HACD2: variants seen among roughly 807,000 people sequenced by gnomAD.
The protein encoded by HACD2 is very-long-chain (3R)-3-hydroxyacyl-CoA dehydratase 2.
A neutral mutation model predicts 31.0 loss-of-function variants in HACD2; 15 were observed. The ratio of observed to expected loss-of-function variants is 0.48; its 90% CI spans 0.32 to 0.75. The LOEUF is 0.75. HACD2 is among the 30% of genes least tolerant of loss of function. The pLI is 0.03. For synonymous variants in HACD2, 115 were observed against 122.2 expected (o/e 0.94, Z 0.39); for missense variants, 283 against 313.0 (o/e 0.90, Z 0.72).
intron 4 of HACD2, among the ~76,000 whole-genome samples, chr3:123,505,893 G>A (rs1040567095): frequency 3.3e-5 from 5 of 152,224 alleles, no homozygotes; most frequent in Admixed American, 1.3e-4. Context: ...CAAACCAGGC[G>A]ACTAATCACA....
intron 3 of HACD2, among the ~76,000 whole-genome samples, chr3:123,538,849 T>C (rs2056456010): frequency 6.6e-6 from 1 of 152,178 alleles, no homozygotes; most frequent in African/African-American, 2.4e-5. Flanking sequence ...TTTAATATAG[T>C]TCCTAAATGA....
In HACD2 at chr3:123,507,087, T is replaced by C. The variant is rs187798230; in HGVS notation, c.382-4406A>G. Among the ~76,000 whole-genome samples, 19 of 152,124 alleles carry C rather than the reference T, an allele frequency of 1.2e-4. No homozygotes were observed. The East Asian group carries it at 3.7e-3, about 29-fold the overall frequency. ...GCCTGGGCAGCATAGTGAGATTCCG[T>C]TTCTACAATAAAATTAAAAAGTAGC... On this transcript the variant is annotated intron_variant, in intron 4 of 6. Transcript: ENST00000383657.
At chr3:123,583,082 A>C (rs533057519) in intron 1 of HACD2, among the ~76,000 whole-genome samples, 1 of 152,362 alleles carries the variant, frequency 6.6e-6, no homozygotes, top group South Asian at 2.1e-4. Context: ...AGTATCAACT[A>C]GGCAATGGGG....
chr3:123,536,924 G>T (rs2056433508), intron 3 of HACD2, among the ~76,000 whole-genome samples: 1 of 152,162 alleles, frequency 6.6e-6, no homozygotes. Flanking sequence ...ATGCTTATGT[G>T]ACCTTGAGAA....
chr3:123,543,654 TATATTA>T, intron 3 of HACD2: 1 of 407,810 alleles, frequency 2.5e-6, no homozygotes, highest in Admixed American at 3.3e-5. Flanking sequence ...GAAAAATGAT[TATATTA>T]AAGGAAAAAA....
intron 3 of HACD2, among the ~76,000 whole-genome samples, chr3:123,535,274 G>A (rs985705497): frequency 6.6e-6 from 1 of 152,190 alleles, no homozygotes; most frequent in Non-Finnish European, 1.5e-5. Context: ...GTACAGTCCA[G>A]TAACCTTCTG....
At chr3:123,584,050 TGACAA>T (rs2056995362) in intron 1 of HACD2, among the ~76,000 whole-genome samples, 1 of 152,172 alleles carries the variant, frequency 6.6e-6, no homozygotes, top group Non-Finnish European at 1.5e-5. Flanking sequence ...CTCACCAAAA[TGACAA>T]GATAAAGAAT....
intron 2 of HACD2, among the ~76,000 whole-genome samples, chr3:123,574,533 G>A (rs971693366): frequency 1.3e-5 from 2 of 152,134 alleles, no homozygotes; most frequent in East Asian, 1.9e-4. Flanking sequence ...AACAGGATTT[G>A]TAGATGTAAA....
intron 3 of HACD2, among the ~76,000 whole-genome samples, chr3:123,540,836 T>C (rs1187868119): frequency 6.6e-6 from 1 of 152,216 alleles, no homozygotes; most frequent in African/African-American, 2.4e-5. Flanking sequence ...ATATATATCA[T>C]CACTTTTTGC....
intron 4 of HACD2, among the ~76,000 whole-genome samples, chr3:123,512,332 A>C (rs371137710): frequency 6.6e-6 from 1 of 152,374 alleles, no homozygotes. Context: ...AAAAAGGAAG[A>C]ATGAAATACT....
At chr3:123,502,810 G>T in intron 4 of HACD2, 129 bp from the exon 5 acceptor site, 1 of 899,014 alleles carries the variant, frequency 1.1e-6, no homozygotes, top group Non-Finnish European at 1.7e-6. Flanking sequence ...ACCCCTGTAT[G>T]GCAGAAAGAG....
intron 6 of HACD2, among the ~76,000 whole-genome samples, chr3:123,495,261 G>A (rs73857645): frequency 7.4e-4 from 112 of 152,300 alleles, no homozygotes; most frequent in African/African-American, 2.5e-3. Context: ...TATTCTGTAC[G>A]CTCATTCATG....
At chr3:123,574,279 G>T (rs943269501) in intron 2 of HACD2, among the ~76,000 whole-genome samples, 16 of 152,178 alleles carry the variant, frequency 1.1e-4, no homozygotes, top group Non-Finnish European at 2.2e-4. Flanking sequence ...ATCTTATGCT[G>T]TAACTGGGTA....
chr3:123,514,778 G>C (rs1002546917), intron 4 of HACD2, among the ~76,000 whole-genome samples: 3 of 152,210 alleles, frequency 2.0e-5, no homozygotes, highest in Non-Finnish European at 1.5e-5. Flanking sequence ...AAATGCTTTA[G>C]ATTGGGATAA....
At chr3:123,533,561 T>A (rs1436452820) in intron 3 of HACD2, among the ~76,000 whole-genome samples, 1 of 152,348 alleles carries the variant, frequency 6.6e-6, no homozygotes, top group East Asian at 1.9e-4. Flanking sequence ...CTACAGATAT[T>A]TTTATTGTTG....
intron 4 of HACD2, among the ~76,000 whole-genome samples, chr3:123,505,383 A>C (rs1231520816): frequency 2.6e-5 from 4 of 152,248 alleles, no homozygotes; most frequent in African/African-American, 7.2e-5. Context: ...ACTGAACTAT[A>C]CACTTAGAAG....
chr3:123,571,525 A>G (rs1411310412), intron 2 of HACD2, among the ~76,000 whole-genome samples: 3 of 152,180 alleles, frequency 2.0e-5, no homozygotes, highest in African/African-American at 7.2e-5. Flanking sequence ...GTCACGTGCA[A>G]GGCCTGGAGA....
chr3:123,530,497 C>T (rs898876740), intron 3 of HACD2, among the ~76,000 whole-genome samples: 4 of 151,296 alleles, frequency 2.6e-5, no homozygotes, highest in Non-Finnish European at 4.4e-5. Flanking sequence ...CAACCTCCAA[C>T]TCCCTGGTTC....
At chr3:123,500,248 A>C (rs1465022695) in intron 6 of HACD2, among the ~76,000 whole-genome samples, 2 of 152,216 alleles carry the variant, frequency 1.3e-5, no homozygotes, top group South Asian at 2.1e-4. Context: ...TCCCCAATAC[A>C]TACTTAACCT....
Sources: gnomAD v4.1 joint callset for allele counts (sites outside exome capture counted in the v4.1 genomes callset) on GRCh38, gnomAD v4.1.1 for gene constraint, MANE v1.5 for transcripts, NCBI Gene and HGNC (gene_info 2026-07-23, HGNC 2026-07-21) for gene names.